Variants in PCDHA3 observed in about 807,000 individuals in gnomAD.
PCDHA3 encodes protocadherin alpha-3.
Under a neutral mutation model 62.2 loss-of-function variants are expected in PCDHA3, and 41 were observed. The ratio of observed to expected loss-of-function variants is 0.66; its 90% confidence interval spans 0.51 to 0.86. PCDHA3 has a LOEUF of 0.86. PCDHA3 is among the 40% of genes least tolerant of loss of function. The pLI, the probability that PCDHA3 is intolerant of heterozygous loss-of-function variation, is 0.00. For synonymous variants in PCDHA3, 640 were observed against 555.4 expected (o/e 1.15, Z -2.14); for missense variants, 1,304 against 1,241.2 (o/e 1.05, Z -0.76).
chr5:140,967,601 C>A lies in PCDHA3; in HGVS notation c.2395-11348C>A, dbSNP rs782574259. The A allele has an allele frequency of 9.3e-6, 15 of 1,614,144 alleles. No individual in the cohort carries two copies. The highest frequency in any genetic ancestry group is 1.3e-5 in the Non-Finnish European group (15 of 1,180,034). ...ACCCCCAGGCACATTGGTGGTGAAGCTGAATGCCTCAGACCCGGATGAGGG... is the reference window on the plus strand; with the variant it reads ...ACCCCCAGGCACATTGGTGGTGAAGATGAATGCCTCAGACCCGGATGAGGG... On this transcript the variant is annotated intron_variant, in intron 1 of 3. Transcript: ENST00000522353.
At chr5:140,939,973 A>G (rs782675791) in intron 1 of PCDHA3, among the ~76,000 whole-genome samples, 4 of 152,234 alleles carry the variant, frequency 2.6e-5, no homozygotes, top group Non-Finnish European at 4.4e-5. Flanking sequence ...TCCACGATGA[A>G]TAGTGAATTG....
Position 140,857,323 on chromosome 5 carries a change from C to A in PCDHA3, c.2394+53732C>A, listed in dbSNP as rs782769711. 1.5e-5 allele frequency: 24 copies of A among 1,598,498 alleles called. 1 individual carries two copies. The East Asian group carries it at 5.1e-4, about 34-fold the overall frequency. On this transcript the variant is annotated intron_variant, in intron 1 of 3. Transcript: ENST00000522353. ...TGTCGGCCTATGAGCTGGTGGTGAC[C>A]GCGCGGGACGGGGGCTCGCCTCCGC...
chr5:140,829,894 A>G lies in PCDHA3; in HGVS notation c.2394+26303A>G, dbSNP rs201316180. The G allele has an allele frequency of 1.1e-4, 179 of 1,613,954 alleles. No homozygotes were observed. In the East Asian group the frequency reaches 2.9e-3, roughly 27 times the overall value. On this transcript the variant is annotated intron_variant, in intron 1 of 3. Transcript: ENST00000522353. ...AGGTGCGCGCAGTTGACGCCGACTC[A>G]GGCTACAACGCGTGGCTTTCGTATG... is the stretch of plus-strand genomic sequence containing the variant.
intron 1 of PCDHA3, chr5:140,884,752 A>G (rs954313403): frequency 1.1e-5 from 16 of 1,429,736 alleles, no homozygotes; most frequent in East Asian, 2.5e-5. Context: ...CCAATTTCAA[A>G]TTATTCTTTA....
intron 3 of PCDHA3, among the ~76,000 whole-genome samples, chr5:141,002,755 T>C (rs894161079): frequency 3.3e-5 from 5 of 152,174 alleles, no homozygotes; most frequent in Non-Finnish European, 7.3e-5. Flanking sequence ...GACAACCCTG[T>C]GATGTAGACA....
At chr5:140,853,279 A>G (rs1197350918) in intron 1 of PCDHA3, 3 of 979,360 alleles carry the variant, frequency 3.1e-6, no homozygotes, top group Non-Finnish European at 3.7e-6. Flanking sequence ...CTCTCATCAT[A>G]TGCAAATTCT....
intron 1 of PCDHA3, among the ~76,000 whole-genome samples, chr5:140,901,369 C>G (rs1366309820): frequency 1.3e-5 from 2 of 152,120 alleles, no homozygotes; most frequent in African/African-American, 2.4e-5. Flanking sequence ...GTCTTTAATC[C>G]ATTTTAATTC....
chr5:140,842,870 G>A, intron 1 of PCDHA3: 1 of 1,594,050 alleles, frequency 6.3e-7, no homozygotes, highest in Non-Finnish European at 8.6e-7. Flanking sequence ...GAGCGGCAAG[G>A]TGTACGCGCT....
chr5:140,821,827 C>T (rs1458334239), intron 1 of PCDHA3: 7 of 1,614,136 alleles, frequency 4.3e-6, no homozygotes, highest in Non-Finnish European at 5.9e-6. Flanking sequence ...GCTGCTCTGG[C>T]TTCTCCTTGC....
intron 1 of PCDHA3, chr5:140,806,925 C>A: frequency 1.9e-6 from 1 of 514,550 alleles, no homozygotes; most frequent in Non-Finnish European, 3.4e-6. Context: ...ATAAATAAAA[C>A]CAAGTAGTTT....
At chr5:140,875,772 G>A (rs781933974) in intron 1 of PCDHA3, 37 of 1,614,136 alleles carry the variant, frequency 2.3e-5, no homozygotes, top group South Asian at 3.3e-5. Flanking sequence ...GGCGGAGCGC[G>A]GAGTGCAGTA....
rs1430137096 is a variant in PCDHA3, at chr5:140,871,495, G to A, written c.2394+67904G>A. On this transcript the variant is annotated intron_variant, in intron 1 of 3. Transcript: ENST00000522353. ...GCCAGGGTCAAATCACCCCGGACAG[G>A]TGAGTTTTCTACAGATTCCACCTAT... 5 of 1,588,092 alleles carry A rather than the reference G, an allele frequency of 3.1e-6. No homozygotes were observed. The African/African-American group carries it at 6.7e-5, about 21-fold the overall frequency.
intron 1 of PCDHA3, chr5:140,841,734 A>G: frequency 2.5e-6 from 4 of 1,613,870 alleles, no homozygotes; most frequent in Non-Finnish European, 3.4e-6. Context: ...GTAAAAGACC[A>G]AAAGCTGTTT....
intron 1 of PCDHA3, among the ~76,000 whole-genome samples, chr5:140,932,637 T>C (rs1554209011): frequency 6.6e-6 from 1 of 151,870 alleles, no homozygotes; most frequent in African/African-American, 2.4e-5. Context: ...TAAAAAACTT[T>C]AGAATGATGA....
intron 1 of PCDHA3, among the ~76,000 whole-genome samples, chr5:140,895,802 CTGTATTGTAT>C (rs1289601886): frequency 6.6e-6 from 1 of 152,048 alleles, no homozygotes; most frequent in Admixed American, 6.6e-5. Context: ...ATGTACAATA[CTGTATTGTAT>C]TGTATTGTAT....
chr5:140,879,479 G>A (rs992823540), intron 1 of PCDHA3, among the ~76,000 whole-genome samples: 10 of 152,196 alleles, frequency 6.6e-5, no homozygotes, highest in Non-Finnish European at 1.3e-4. Context: ...GTTGTGATTG[G>A]AAATATGGGT....
intron 1 of PCDHA3, chr5:140,808,810 C>G: frequency 6.2e-7 from 1 of 1,612,770 alleles, no homozygotes; most frequent in South Asian, 1.1e-5. Flanking sequence ...GCGATGCCGG[C>G]GTGCCACCTC....
chr5:140,828,863 G>T, intron 1 of PCDHA3: 1 of 1,614,202 alleles, frequency 6.2e-7, no homozygotes, highest in Non-Finnish European at 8.5e-7. Flanking sequence ...TGCAGACAAC[G>T]GAACAACAGT....
intron 1 of PCDHA3, among the ~76,000 whole-genome samples, chr5:140,914,069 A>G (rs1042316751): frequency 2.8e-4 from 43 of 152,216 alleles, no homozygotes; most frequent in Non-Finnish European, 5.6e-4. Context: ...GAAATGCTCC[A>G]TAACTATCTA....
Sources: gnomAD v4.1 joint callset for allele counts (sites outside exome capture counted in the v4.1 genomes callset) on GRCh38, gnomAD v4.1.1 for gene constraint, MANE v1.5 for transcripts, NCBI Gene and HGNC (gene_info 2026-07-23, HGNC 2026-07-21) for gene names.